The following TTLL5 variants were observed in gnomAD, a reference collection of about 807,000 sequenced individuals.
TTLL5 encodes the protein tubulin polyglutamylase TTLL5.
TTLL5 carries 132 observed loss-of-function variants against 168.4 expected under a neutral mutation model. The observed-to-expected ratio is 0.78, with a 90% CI of 0.68 to 0.91. TTLL5 has a LOEUF of 0.91. Among genes scored for constraint, TTLL5 ranks in the 40% least tolerant of loss-of-function variants. The pLI is 0.00. For synonymous variants in TTLL5, 546 were observed against 558.6 expected (o/e 0.98, Z 0.32); for missense variants, 1,545 against 1,581.5 (o/e 0.98, Z 0.39).
At chr14:75,818,311 C>A (rs1385156775) in intron 27 of TTLL5, among the ~76,000 whole-genome samples, 3 of 151,882 alleles carry the variant, frequency 2.0e-5, no homozygotes, top group African/African-American at 4.8e-5. Flanking sequence ...ATAAATGCTA[C>A]TTATAGTCTG....
At chr14:75,846,867 C>T (rs1896576555) in intron 28 of TTLL5, among the ~76,000 whole-genome samples, 1 of 151,082 alleles carries the variant, frequency 6.6e-6, no homozygotes, top group Admixed American at 6.6e-5. Flanking sequence ...CATTTATGGA[C>T]TCGAAGTGTG....
intron 31 of TTLL5, among the ~76,000 whole-genome samples, chr14:75,921,964 A>T (rs1257131493): frequency 6.6e-6 from 1 of 152,086 alleles, no homozygotes; most frequent in Non-Finnish European, 1.5e-5. Context: ...TTACATTCCT[A>T]GGTATTTTAT....
rs1009745600 is a variant in TTLL5 at position 75,771,779 on chromosome 14, T to A, written c.2061T>A (p.Val687=). The A allele has an allele frequency of 6.8e-6, 11 of 1,614,024 alleles. No homozygotes were observed. In the African/African-American group the frequency reaches 1.5e-4, roughly 22 times the overall value. ...RIAFSAYLQH[V]QIRLMKDSGG... is the part of the protein sequence containing the mutation. ...CATTCTCTGCCTATCTCCAGCATGTTCAAATTCGCCTGATGAAAGACAGTG... is the reference window on the plus strand; with the variant it reads ...CATTCTCTGCCTATCTCCAGCATGTACAAATTCGCCTGATGAAAGACAGTG... Residue 687 remains valine (V), a synonymous_variant, in exon 21 of 32, where the codon GTT becomes GTA. Coordinates refer to ENST00000298832, the MANE Select transcript of TTLL5 (RefSeq NM_015072.5).
At chr14:75,861,538 C>T (rs2030003498) in intron 28 of TTLL5, among the ~76,000 whole-genome samples, 2 of 152,184 alleles carry the variant, frequency 1.3e-5, no homozygotes, top group South Asian at 4.1e-4. Flanking sequence ...TCCTACACCT[C>T]TGTCATTGAA....
At chr14:75,787,248 T>C (rs1248834721) in intron 26 of TTLL5, among the ~76,000 whole-genome samples, 3 of 152,154 alleles carry the variant, frequency 2.0e-5, no homozygotes, top group Non-Finnish European at 2.9e-5. Context: ...TCCAACTATA[T>C]GCTGTTTACC....
At chr14:75,841,204 A>G (rs1896218676) in intron 28 of TTLL5, among the ~76,000 whole-genome samples, 1 of 152,208 alleles carries the variant, frequency 6.6e-6, no homozygotes, top group Non-Finnish European at 1.5e-5. Context: ...TTTGGAGGGG[A>G]CAAACAGCCA....
intron 30 of TTLL5, among the ~76,000 whole-genome samples, chr14:75,895,518 GT>G (rs908020205): frequency 1.4e-4 from 21 of 150,630 alleles, no homozygotes; most frequent in South Asian, 2.1e-4. Context: ...ATAAAAAGAG[GT>G]TTTTTTTTAA....
intron 29 of TTLL5, among the ~76,000 whole-genome samples, chr14:75,873,115 C>T (rs918967274): frequency 5.3e-5 from 8 of 151,252 alleles, no homozygotes; most frequent in African/African-American, 9.7e-5. Context: ...GCTCTGTCCC[C>T]CAGGCTGGAG....
intron 9 of TTLL5, chr14:75,710,813 T>C (rs772803524): frequency 3.3e-5 from 5 of 152,180 alleles, no homozygotes; most frequent in African/African-American, 4.8e-5. Context: ...GTAATTTATG[T>C]AGACATAACT....
chr14:75,902,082 G>T, intron 30 of TTLL5, 60 bp from the exon 31 acceptor site: 1 of 1,476,604 alleles, frequency 6.8e-7, no homozygotes, highest in East Asian at 2.3e-5. Context: ...GCCATCAGAG[G>T]TCCTGCACCT....
At chr14:75,769,905 G>A (rs759478252) in intron 20 of TTLL5, among the ~76,000 whole-genome samples, 9 of 152,070 alleles carry the variant, frequency 5.9e-5, no homozygotes, top group Admixed American at 1.3e-4. Context: ...ATGGCCAGGC[G>A]TGCAGGCTCA....
chr14:75,717,370 C>G (rs1887538442), intron 9 of TTLL5, among the ~76,000 whole-genome samples: 1 of 152,208 alleles, frequency 6.6e-6, no homozygotes, highest in South Asian at 2.1e-4. Flanking sequence ...CTGCCTCGGC[C>G]TCCCAAAGTG....
rs766173950 is a variant in TTLL5 at position 75,745,502 on chromosome 14, C to T, written c.1408C>T (p.Arg470Ter). 5.6e-6 allele frequency: 9 copies of T among 1,613,628 alleles called. 1 individual carries two copies. Among genetic ancestry groups the T allele is most frequent in the East Asian group, 4.5e-5 (2 of 44,856 alleles). ...ATTTTTCATCTAGATCAAAGTTTTA[C>T]GAAGGGTGAAGGAGGAGAATGATCG... ...GLSMEEIKVL[R>*]RVKEENDRRG... Residue 470 changes from arginine (R) to a stop codon, truncating the protein, a stop_gained, in exon 17 of 32, where the codon CGA (arginine) becomes TGA (stop). Coordinates refer to ENST00000298832, the MANE Select transcript of TTLL5 (RefSeq NM_015072.5). LOFTEE classifies it high-confidence loss of function.
intron 4 of TTLL5, 44 bp from the exon 5 acceptor site, chr14:75,683,506 T>G (rs1884789538): frequency 1.4e-6 from 2 of 1,435,306 alleles, no homozygotes; most frequent in African/African-American, 2.8e-5. Context: ...AGAAGGGGTA[T>G]CTCTGATGTT....
intron 31 of TTLL5, among the ~76,000 whole-genome samples, chr14:75,916,886 G>A (rs1001457362): frequency 2.6e-5 from 4 of 152,168 alleles, no homozygotes; most frequent in African/African-American, 9.7e-5. Context: ...ATAAGCTACA[G>A]CATGGAACTT....
chr14:75,939,509 T>C (rs1182016202), intron 31 of TTLL5, among the ~76,000 whole-genome samples: 1 of 152,124 alleles, frequency 6.6e-6, no homozygotes, highest in African/African-American at 2.4e-5. Flanking sequence ...CCTCAGCCCC[T>C]GAGTGGCTGG....
chr14:75,929,598 G>A (rs995999199), intron 31 of TTLL5, among the ~76,000 whole-genome samples: 1 of 151,930 alleles, frequency 6.6e-6, no homozygotes, highest in Non-Finnish European at 1.5e-5. Flanking sequence ...GATTACAGGT[G>A]CCCACTACCA....
intron 12 of TTLL5, among the ~76,000 whole-genome samples, chr14:75,723,745 C>T (rs1887995011): frequency 6.6e-6 from 1 of 152,088 alleles, no homozygotes; most frequent in African/African-American, 2.4e-5. Flanking sequence ...CCCCTTAAGT[C>T]CATTTCATCA....
At chr14:75,811,146 T>C (rs1893972876) in intron 27 of TTLL5, among the ~76,000 whole-genome samples, 3 of 79,010 alleles carry the variant, frequency 3.8e-5, no homozygotes. Context: ...AGAGAGGGAA[T>C]GAAAGAAAGA....
Sources: allele counts gnomAD v4.1 joint callset (sites outside exome capture counted in the v4.1 genomes callset), GRCh38; gene constraint gnomAD v4.1.1; transcripts MANE v1.5; gene names NCBI Gene and HGNC (gene_info 2026-07-23, HGNC 2026-07-21).